The following YAP1 variants were observed in gnomAD, a reference collection of about 807,000 sequenced individuals.
The protein encoded by YAP1 is Yes1 associated transcriptional regulator.
In YAP1, 5 loss-of-function variants were observed where a neutral mutation model predicts 56.9. The observed-to-expected ratio is 0.09, with a 90% CI of 0.05 to 0.18. The LOEUF is 0.18. YAP1 is among the 10% of genes least tolerant of loss of function. The probability of loss-of-function intolerance (pLI) is 1.00; values close to 1 mark genes in which losing one functional copy is unlikely to be tolerated. For missense variants in YAP1, 539 were observed against 651.8 expected (o/e 0.83, Z 1.88); for synonymous variants, 265 against 248.1 (o/e 1.07, Z -0.64).
In YAP1 at chr11:102,166,632, G is replaced by C. The variant is rs372884485; in HGVS notation, c.688+4061G>C. Reference sequence around the variant, plus strand: ...ACAGAAAAGTTTCACCCTGAAGGGAGTGTCTTCTGAGTCTGCTAACCCGAA... The same window carrying C: ...ACAGAAAAGTTTCACCCTGAAGGGACTGTCTTCTGAGTCTGCTAACCCGAA... On this transcript the variant is annotated intron_variant, in intron 3 of 8. Transcript: ENST00000282441. 3.3e-5 allele frequency among the ~76,000 whole-genome samples: 5 copies of C among 152,334 alleles called. No individual in the cohort carries two copies. The East Asian group carries it at 9.7e-4, about 29-fold the overall frequency.
In YAP1 at chr11:102,231,094, C is replaced by T. The variant is rs1950422821; in HGVS notation, c.*1154C>T. On this transcript the variant is annotated 3_prime_UTR_variant, in exon 9 of 9. Coordinates refer to ENST00000282441, the MANE Select transcript of YAP1 (RefSeq NM_001130145.3). ...GAAAGAGCTATTACTGTGGATAGTGCCTAGGGGAGTGCTCCACGCCCTCTG... is the reference window on the plus strand; with the variant it reads ...GAAAGAGCTATTACTGTGGATAGTGTCTAGGGGAGTGCTCCACGCCCTCTG... 1.3e-5 allele frequency: 2 copies of T among 152,266 alleles called. No individual in the cohort carries two copies. Among genetic ancestry groups the T allele is most frequent in the African/African-American group, 2.4e-5 (1 of 41,552 alleles). 9.4% of individuals were successfully genotyped at this position (152,266 alleles called of 1,614,324 possible). A position where few individuals can be genotyped will look rare whatever the true frequency, so the allele number is the denominator to read the frequency against.
intron 6 of YAP1, among the ~76,000 whole-genome samples, chr11:102,221,139 G>A (rs1253208099): frequency 6.6e-6 from 1 of 152,180 alleles, no homozygotes; most frequent in African/African-American, 2.4e-5. Flanking sequence ...TAAGAGGCAT[G>A]GAGAATACTT....
intron 5 of YAP1, among the ~76,000 whole-genome samples, chr11:102,207,592 T>A (rs1373273913): frequency 2.0e-5 from 3 of 152,104 alleles, no homozygotes; most frequent in Non-Finnish European, 4.4e-5. Flanking sequence ...TGTTTTTTGT[T>A]TTTTGGGTTT....
chr11:102,204,143 C>G (rs1005985337), intron 4 of YAP1, among the ~76,000 whole-genome samples: 2 of 148,584 alleles, frequency 1.3e-5, no homozygotes, highest in Non-Finnish European at 3.0e-5. Flanking sequence ...CGCCTGCAGT[C>G]TCAGCTGCTT....
intron 3 of YAP1, among the ~76,000 whole-genome samples, chr11:102,168,760 C>T (rs1035936045): frequency 6.6e-6 from 1 of 152,120 alleles, no homozygotes; most frequent in African/African-American, 2.4e-5. Flanking sequence ...GTTCTCCTGC[C>T]TGCCTGTGTA....
At chr11:102,217,771 C>T (rs1949731206) in intron 6 of YAP1, among the ~76,000 whole-genome samples, 1 of 151,916 alleles carries the variant, frequency 6.6e-6, no homozygotes, top group African/African-American at 2.4e-5. Context: ...GCTACCAGAA[C>T]CTCTGCCTCC....
rs187523979 is a variant in YAP1 at position 102,145,104 on chromosome 11, G to A, written c.573-17352G>A. Among the ~76,000 whole-genome samples, 3 of 152,288 alleles carry A rather than the reference G, an allele frequency of 2.0e-5. No homozygotes were observed. The East Asian group carries it at 5.8e-4, about 29-fold the overall frequency. ...TTAATGCCTCTTGAATTATTCTGCAGGAGTATTAGCAAGAGTTGTAAACCG... is the reference window on the plus strand; with the variant it reads ...TTAATGCCTCTTGAATTATTCTGCAAGAGTATTAGCAAGAGTTGTAAACCG... On this transcript the variant is annotated intron_variant, in intron 2 of 8. Coordinates refer to ENST00000282441, the MANE Select transcript of YAP1 (RefSeq NM_001130145.3).
At chr11:102,217,400 T>C (rs1366554516) in intron 6 of YAP1, among the ~76,000 whole-genome samples, 1 of 152,172 alleles carries the variant, frequency 6.6e-6, no homozygotes, top group African/African-American at 2.4e-5. Flanking sequence ...AGCATGTTTC[T>C]ACACAAAGCC....
chr11:102,113,657 T>C (rs1243207928), intron 1 of YAP1, among the ~76,000 whole-genome samples: 1 of 152,182 alleles, frequency 6.6e-6, no homozygotes, highest in African/African-American at 2.4e-5. Context: ...TTTATCATGG[T>C]TGGAATAAAT....
intron 6 of YAP1, among the ~76,000 whole-genome samples, chr11:102,219,300 A>C (rs1382194443): frequency 2.0e-5 from 3 of 152,146 alleles, no homozygotes; most frequent in Admixed American, 6.5e-5. Flanking sequence ...AGAGTAATTC[A>C]TTCACTCTGG....
intron 2 of YAP1, among the ~76,000 whole-genome samples, chr11:102,137,390 G>A (rs1353580221): frequency 1.3e-5 from 2 of 152,118 alleles, no homozygotes; most frequent in African/African-American, 4.8e-5. Context: ...TAAAGTTTGT[G>A]GGATATTCAG....
chr11:102,118,481 T>G (rs1419449210), intron 2 of YAP1, among the ~76,000 whole-genome samples: 14 of 90,358 alleles, frequency 1.5e-4, no homozygotes, highest in South Asian at 3.6e-4. Context: ...TTTTTTTTTT[T>G]GAGACAGAGT....
intron 3 of YAP1, among the ~76,000 whole-genome samples, chr11:102,181,499 C>G (rs750472234): frequency 2.6e-5 from 4 of 152,050 alleles, no homozygotes; most frequent in Non-Finnish European, 1.5e-5. Context: ...TGGGTCACAT[C>G]CATTCTTTTT....
intron 4 of YAP1, among the ~76,000 whole-genome samples, chr11:102,202,594 C>T (rs1002401606): frequency 2.0e-5 from 3 of 151,750 alleles, no homozygotes; most frequent in African/African-American, 7.3e-5. Flanking sequence ...CTGTATCTTA[C>T]CTGTACAAAT....
Position 102,230,019 on chromosome 11 carries a change from G to A in YAP1, c.*79G>A. The A allele has an allele frequency of 8.2e-7, 1 of 1,225,832 alleles. No individual in the cohort carries two copies. The allele number at this position is 1,225,832 out of a possible 1,614,324, so 75.9% of individuals were successfully genotyped here. A position where few individuals can be genotyped will look rare whatever the true frequency, so the allele number is the denominator to read the frequency against. ...CACCGGAAATTTCCATAAGCCAGTT[G>A]CAGTTTTCAGGCTAATACAGAAAAA... On this transcript the variant is annotated 3_prime_UTR_variant, in exon 9 of 9. Transcript: ENST00000282441.
chr11:102,136,986 G>A (rs992620431), intron 2 of YAP1, among the ~76,000 whole-genome samples: 3 of 152,202 alleles, frequency 2.0e-5, no homozygotes, highest in African/African-American at 7.2e-5. Context: ...GAATTGGCTT[G>A]TAAAGTTCCG....
chr11:102,131,267 T>G (rs1002663752), intron 2 of YAP1, among the ~76,000 whole-genome samples: 1 of 152,228 alleles, frequency 6.6e-6, no homozygotes, highest in African/African-American at 2.4e-5. Context: ...TGCCATTCTT[T>G]TCTGTGAACT....
Position 102,209,614 on chromosome 11 carries a change from T to C in YAP1, c.1032+50T>C, listed in dbSNP as rs535735103. ...CACTGGAAAAAAAAAAAAAAAGATA[T>C]TAAATTAGGAAAGAGAAACTTACAT... On this transcript the variant is annotated intron_variant, in intron 6 of 8. Coordinates refer to ENST00000282441, the MANE Select transcript of YAP1 (RefSeq NM_001130145.3). 195 of 1,414,450 alleles carry C rather than the reference T, an allele frequency of 1.4e-4. No individual in the cohort carries two copies. The South Asian group carries it at 2.3e-3, about 17-fold the overall frequency. The allele number at this position is 1,414,450 out of a possible 1,614,324, so 87.6% of individuals were successfully genotyped here.
intron 2 of YAP1, among the ~76,000 whole-genome samples, chr11:102,127,972 A>G (rs554847025): frequency 1.6e-4 from 25 of 152,272 alleles, no homozygotes; most frequent in African/African-American, 5.5e-4. Flanking sequence ...AATTTCTTCC[A>G]TTCAGAATGG....
Sources: allele counts gnomAD v4.1 joint callset (sites outside exome capture counted in the v4.1 genomes callset), GRCh38; gene constraint gnomAD v4.1.1; transcripts MANE v1.5; gene names NCBI Gene and HGNC (gene_info 2026-07-23, HGNC 2026-07-21).